GSTO2: variants seen among roughly 807,000 people sequenced by gnomAD.
GSTO2 encodes the protein glutathione S-transferase omega-2.
A neutral mutation model predicts 28.4 loss-of-function variants in GSTO2; 23 were observed. The ratio of observed to expected loss-of-function variants is 0.81; its 90% CI spans 0.58 to 1.15. The LOEUF is 1.15. Among genes scored for constraint, GSTO2 ranks in the 50% most tolerant of loss-of-function variants. The probability of loss-of-function intolerance (pLI) is 0.00; values close to 1 mark genes in which losing one functional copy is unlikely to be tolerated. For synonymous variants in GSTO2, 109 were observed against 111.0 expected, an observed-to-expected ratio of 0.98 and a Z score of 0.11; for missense variants, 298 against 297.8, an observed-to-expected ratio of 1.00 and a Z score of 0.00.
chr10:104,275,485 CT>C, intron 3 of GSTO2, 151 bp downstream of exon 3: 124 of 652,270 alleles, frequency 1.9e-4, no homozygotes, highest in Middle Eastern at 9.9e-4. Flanking sequence ...AAAGGGCGAG[CT>C]TTTTTTTAGC....
intron 6 of GSTO2, among the ~76,000 whole-genome samples, chr10:104,298,570 T>C (rs17116831): frequency 0.039 from 5,961 of 152,294 alleles, 418 homozygotes; most frequent in African/African-American, 0.14. Flanking sequence ...CGACAACCCA[T>C]TCATATTATC....
intron 5 of GSTO2, among the ~76,000 whole-genome samples, chr10:104,294,318 T>G (rs960861724): frequency 1.3e-5 from 2 of 152,186 alleles, no homozygotes; most frequent in African/African-American, 4.8e-5. Context: ...GTCCTTCCAG[T>G]CCCAATTTTC....
rs2013341978 is a variant in GSTO2 at position 104,304,367 on chromosome 10, A to G, written c.*5083A>G. The G allele has an allele frequency of 6.6e-6, 1 of 151,888 alleles. No homozygotes were observed. Among genetic ancestry groups the G allele is most frequent in the South Asian group, 2.1e-4 (1 of 4,824 alleles). 9.4% of individuals were successfully genotyped at this position (151,888 alleles called of 1,614,324 possible). A position where few individuals can be genotyped will look rare whatever the true frequency, so the allele number is the denominator to read the frequency against. On this transcript the variant is annotated 3_prime_UTR_variant, in exon 7 of 7. Coordinates refer to ENST00000338595, the MANE Select transcript of GSTO2 (RefSeq NM_183239.2). ...GAGCAGCCCTCTGTTTTTTTTTCCA[A>G]CCAGTCTTTTCTCTTGCAAAGTTCA... is the stretch of plus-strand genomic sequence containing the variant.
chr10:104,280,011 TA>T (rs1255674648), intron 5 of GSTO2, among the ~76,000 whole-genome samples: 3 of 151,762 alleles, frequency 2.0e-5, no homozygotes, highest in African/African-American at 7.3e-5. Flanking sequence ...AAAATAATTT[TA>T]AAAATTAGCC....
rs1175819733 is a variant in GSTO2 at position 104,275,356 on chromosome 10, C to T, written c.143+22C>T. The T allele has an allele frequency of 3.1e-6, 5 of 1,610,312 alleles. No individual in the cohort carries two copies. In the African/African-American group the frequency reaches 4.0e-5, roughly 13 times the overall value. On this transcript the variant is annotated intron_variant, in intron 3 of 6. Coordinates refer to ENST00000338595, the MANE Select transcript of GSTO2 (RefSeq NM_183239.2). The stretch of plus-strand genomic sequence containing the variant: ...TCAGGTGAGAAGCGGGAACCCAGAG[C>T]CCCCGAGCAAACCCAGCGCCTCACA...
At chr10:104,299,018 C>A in intron 6 of GSTO2, 110 bp from the exon 7 acceptor site, 2 of 963,582 alleles carry the variant, frequency 2.1e-6, no homozygotes, top group Non-Finnish European at 3.0e-6. Context: ...ACTAAGATAA[C>A]TTCCCAAATA....
At position 104,300,183 on chromosome 10, in the gene GSTO2, A is replaced by G. The variant is rs1371257129; in HGVS notation, c.*899A>G. On this transcript the variant is annotated 3_prime_UTR_variant, in exon 7 of 7. Transcript: ENST00000338595. Reference sequence around the variant, plus strand: ...ATGAAACACCGGTTTATCACCCAGGACTAACTACGTCAGAATTTCACTGGT... The same window carrying G: ...ATGAAACACCGGTTTATCACCCAGGGCTAACTACGTCAGAATTTCACTGGT... The G allele has an allele frequency of 1.3e-5, 2 of 152,256 alleles. No individual in the cohort carries two copies. Among genetic ancestry groups the G allele is most frequent in the African/African-American group, 4.8e-5 (2 of 41,452 alleles). 9.4% of individuals were successfully genotyped at this position (152,256 alleles called of 1,614,324 possible). A position where few individuals can be genotyped will look rare whatever the true frequency, so the allele number is the denominator to read the frequency against.
intron 5 of GSTO2, among the ~76,000 whole-genome samples, chr10:104,294,531 T>TA (rs1306594271): frequency 2.0e-5 from 3 of 152,176 alleles, no homozygotes; most frequent in Admixed American, 2.0e-4. Flanking sequence ...ATTTTAGACT[T>TA]ACCCTGCTTG....
At chr10:104,274,540 C>A in intron 1 of GSTO2, 145 bp from the exon 2 acceptor site, 1 of 315,238 alleles carries the variant, frequency 3.2e-6, no homozygotes, top group Non-Finnish European at 5.8e-6. Flanking sequence ...TTTGATTAAA[C>A]TCCTTTGAAA....
chr10:104,282,941 T>A (rs962980560), intron 5 of GSTO2, among the ~76,000 whole-genome samples: 6 of 152,192 alleles, frequency 3.9e-5, no homozygotes, highest in African/African-American at 1.4e-4. Flanking sequence ...AGTTTAGGAA[T>A]GTCATTAGTG....
At position 104,269,269 on chromosome 10, in the gene GSTO2, G is replaced by C. The variant is rs1234045017; in HGVS notation, c.-232G>C. On this transcript the variant is annotated splice_region_variant and 5_prime_UTR_variant, in exon 1 of 7. Transcript: ENST00000338595. ...TCGCGGGACCTCTCTCACCGCCACCGGTGGGTCCGTTCGGCCTGCGTTGTA... is the reference window on the plus strand; with the variant it reads ...TCGCGGGACCTCTCTCACCGCCACCCGTGGGTCCGTTCGGCCTGCGTTGTA... 6.6e-6 allele frequency: 1 copy of C among 152,426 alleles called. No homozygotes were observed. Among genetic ancestry groups the C allele is most frequent in the African/African-American group, 2.4e-5 (1 of 41,572 alleles). 9.4% of individuals were successfully genotyped at this position (152,426 alleles called of 1,614,324 possible).
chr10:104,298,949 C>T (rs995701940), intron 6 of GSTO2, among the ~76,000 whole-genome samples, 179 bp from the exon 7 acceptor site: 16 of 152,220 alleles, frequency 1.1e-4, no homozygotes, highest in African/African-American at 1.2e-4. Flanking sequence ...AAACATTCAA[C>T]TATTCCAAAA....
chr10:104,274,402 T>C (rs1234425906), intron 1 of GSTO2, among the ~76,000 whole-genome samples: 1 of 152,214 alleles, frequency 6.6e-6, no homozygotes, highest in East Asian at 1.9e-4. Flanking sequence ...TCTTTCCTAG[T>C]TGCTGTATCA....
At chr10:104,284,870 G>T (rs745408082) in intron 5 of GSTO2, among the ~76,000 whole-genome samples, 1 of 152,130 alleles carries the variant, frequency 6.6e-6, no homozygotes, top group Non-Finnish European at 1.5e-5. Flanking sequence ...AGTGTTCGTG[G>T]CTTCTGAATT....
At chr10:104,297,554 CT>C in intron 5 of GSTO2, 23 bp from the exon 6 acceptor site, 1 of 1,470,966 alleles carries the variant, frequency 6.8e-7, no homozygotes, top group East Asian at 2.3e-5. Context: ...AACTTATTTG[CT>C]TTTGCTTTGT....
At chr10:104,291,725 C>G (rs2012779329) in intron 5 of GSTO2, 1 of 152,252 alleles carries the variant, frequency 6.6e-6, no homozygotes, top group Admixed American at 6.5e-5. Flanking sequence ...GCATCCCCAT[C>G]CTACCAAGCA....
chr10:104,296,672 G>T (rs1485994227), intron 5 of GSTO2: 1 of 151,476 alleles, frequency 6.6e-6, no homozygotes, highest in African/African-American at 2.4e-5. Context: ...ATTTGAGGGG[G>T]CCTGTTAAAT....
At chr10:104,271,884 G>A (rs1358963559) in intron 1 of GSTO2, among the ~76,000 whole-genome samples, 1 of 152,216 alleles carries the variant, frequency 6.6e-6, no homozygotes, top group Non-Finnish European at 1.5e-5. Flanking sequence ...CAGAGACCAT[G>A]GATGGGCAAA....
chr10:104,280,387 G>GA (rs1278943707), intron 5 of GSTO2, among the ~76,000 whole-genome samples: 1 of 152,138 alleles, frequency 6.6e-6, no homozygotes, highest in Admixed American at 6.5e-5. Flanking sequence ...AGAATATAAA[G>GA]AAAAAAATGG....
Sources: gnomAD v4.1 joint callset for allele counts (sites outside exome capture counted in the v4.1 genomes callset) on GRCh38, gnomAD v4.1.1 for gene constraint, MANE v1.5 for transcripts, NCBI Gene and HGNC (gene_info 2026-07-23, HGNC 2026-07-21) for gene names.